CAMKK2: variants seen among roughly 807,000 people sequenced by gnomAD.
CAMKK2 encodes calcium/calmodulin dependent protein kinase kinase 2.
CAMKK2 carries 30 observed loss-of-function variants against 67.2 expected under a neutral mutation model. The observed-to-expected ratio is 0.45, with a 90% confidence interval of 0.33 to 0.61. CAMKK2 has a LOEUF of 0.61. Ranked by LOEUF, CAMKK2 falls within the 20% of genes least tolerant of loss-of-function variation. The pLI, the probability that CAMKK2 is intolerant of heterozygous loss-of-function variation, is 0.02. For synonymous variants in CAMKK2, 322 were observed against 326.2 expected, an observed-to-expected ratio of 0.99 and a Z score of 0.14; for missense variants, 643 against 802.0, an observed-to-expected ratio of 0.80 and a Z score of 2.39.
In CAMKK2 at chr12:121,285,228, C is replaced by T. The variant is rs745718454; in HGVS notation, c.-59-10643G>A. 4.6e-5 allele frequency among the ~76,000 whole-genome samples: 7 copies of T among 152,188 alleles called. No homozygotes were observed. Among genetic ancestry groups the T allele is most frequent in the Non-Finnish European group, 7.3e-5 (5 of 68,038 alleles). On this transcript the variant is annotated intron_variant, in intron 1 of 16. Transcript: ENST00000404169. This position sits in a 1 kb window ranked among gnomAD's most constrained non-coding sequence, Gnocchi z 4.1. ...ACTCAAGAATAGATATGAGGCCGGGCGCAGTGGTTCACGCCTGTAATCCCA... is the reference window on the plus strand; with the variant it reads ...ACTCAAGAATAGATATGAGGCCGGGTGCAGTGGTTCACGCCTGTAATCCCA...
intron 5 of CAMKK2, among the ~76,000 whole-genome samples, chr12:121,266,832 AT>A (rs1237394205): frequency 1.3e-5 from 2 of 151,750 alleles, no homozygotes; most frequent in Non-Finnish European, 2.9e-5. Flanking sequence ...CCAAGCTGAC[AT>A]TTTGCCCAGC....
At chr12:121,273,577 C>T (rs538274770) in intron 2 of CAMKK2, among the ~76,000 whole-genome samples, 2 of 152,040 alleles carry the variant, frequency 1.3e-5, no homozygotes, top group African/African-American at 2.4e-5. Flanking sequence ...CTCAGTGACC[C>T]GCCTCATTCC....
chr12:121,292,547 A>C (rs1363021389), intron 1 of CAMKK2, among the ~76,000 whole-genome samples: 1 of 152,210 alleles, frequency 6.6e-6, no homozygotes, highest in Non-Finnish European at 1.5e-5. Flanking sequence ...CTCAACTGTT[A>C]GGAAAGAGAC....
Position 121,269,502 on chromosome 12 carries a change from G to A in CAMKK2, c.573+26C>T, listed in dbSNP as rs749454930. The A allele has an allele frequency of 5.1e-6, 8 of 1,569,376 alleles. No homozygotes were observed. The Admixed American group carries it at 1.2e-4, about 24-fold the overall frequency. On this transcript the variant is annotated intron_variant, in intron 4 of 16. Coordinates refer to ENST00000404169, the MANE Select transcript of CAMKK2 (RefSeq NM_001270485.2). The stretch of plus-strand genomic sequence containing the variant: ...GGCTCTTCTGTGGATAAGGATGGGG[G>A]CAGGGAGGAGAATGCGGATACTCAC...
chr12:121,290,842 G>A (rs957641563), intron 1 of CAMKK2, among the ~76,000 whole-genome samples: 8 of 152,184 alleles, frequency 5.3e-5, no homozygotes, highest in Non-Finnish European at 7.4e-5. Flanking sequence ...TTTTTGACAC[G>A]GAGTCTCGCT....
chr12:121,255,751 G>T (rs201017471), intron 8 of CAMKK2, 32 bp downstream of exon 8: 1 of 1,613,186 alleles, frequency 6.2e-7, no homozygotes, highest in Admixed American at 1.7e-5. Context: ...GAAGCTTCTT[G>T]CATCACCCCT....
chr12:121,243,802 T>C (rs1206378188), intron 16 of CAMKK2: 1 of 1,066,532 alleles, frequency 9.4e-7, no homozygotes, highest in Non-Finnish European at 1.2e-6. Context: ...GTGAATTACA[T>C]GGTATGTGAA....
At chr12:121,287,436 G>A (rs910094998) in intron 1 of CAMKK2, among the ~76,000 whole-genome samples, 2 of 152,082 alleles carry the variant, frequency 1.3e-5, no homozygotes, top group African/African-American at 4.8e-5. Flanking sequence ...ACTCAGAGAA[G>A]TTGAGATGAC....
chr12:121,274,234 T>C lies in CAMKK2; in HGVS notation c.293A>G (p.Lys98Arg). Residue 98 changes from lysine (K) to arginine (R), a missense_variant, in exon 2 of 17, where the codon AAG (lysine) becomes AGG (arginine). Coordinates refer to ENST00000404169, the MANE Select transcript of CAMKK2 (RefSeq NM_001270485.2). ...SQARPHLSGR[K>R]LSLQERSQGG... ...CTGGGACCGCTCTTGCAGAGACAGCTTGCGACCGGAGAGGTGGGGCCGGGC... is the reference window on the plus strand; with the variant it reads ...CTGGGACCGCTCTTGCAGAGACAGCCTGCGACCGGAGAGGTGGGGCCGGGC... The C allele has an allele frequency of 1.2e-6, 2 of 1,609,714 alleles. No homozygotes were observed. The highest frequency in any genetic ancestry group is 1.7e-6 in the Non-Finnish European group (2 of 1,177,278).
intron 9 of CAMKK2, among the ~76,000 whole-genome samples, chr12:121,255,250 T>TTTTA (rs1252554930): frequency 1.0e-4 from 4 of 38,392 alleles, no homozygotes; most frequent in East Asian, 5.8e-4. Flanking sequence ...ATATATATAA[T>TTTTA]TATATATATA....
Position 121,264,454 on chromosome 12 carries a change from C to T in CAMKK2, c.626-515G>A, listed in dbSNP as rs138200084. 6.2e-3 allele frequency among the ~76,000 whole-genome samples: 943 copies of T among 151,946 alleles called. 12 individuals are homozygous for T. The highest frequency in any genetic ancestry group is 0.021 in the African/African-American group (890 of 41,446). ...GAGTTCAAGACCAGCCTGGGCAACA[C>T]GGCGAAACCCTGACTCTATAAAAAT... On this transcript the variant is annotated intron_variant, in intron 5 of 16. Coordinates refer to ENST00000404169, the MANE Select transcript of CAMKK2 (RefSeq NM_001270485.2).
intron 9 of CAMKK2, among the ~76,000 whole-genome samples, chr12:121,255,300 AAT>A (rs1891860187): frequency 2.2e-4 from 7 of 31,568 alleles, no homozygotes; most frequent in South Asian, 8.9e-4. Flanking sequence ...TTATATATAT[AAT>A]TTTATATATA....
chr12:121,291,316 G>C (rs949080458), intron 1 of CAMKK2, among the ~76,000 whole-genome samples: 3 of 152,216 alleles, frequency 2.0e-5, no homozygotes, highest in African/African-American at 4.8e-5. Context: ...AGGGGCTACA[G>C]AGACACGGGA....
intron 1 of CAMKK2, among the ~76,000 whole-genome samples, chr12:121,287,828 C>G (rs1899070504): frequency 6.6e-6 from 1 of 152,082 alleles, no homozygotes. Context: ...TTACATTAGC[C>G]AAGTGTGGTG....
At chr12:121,293,611 G>A (rs1292388355) in intron 1 of CAMKK2, among the ~76,000 whole-genome samples, 2 of 151,852 alleles carry the variant, frequency 1.3e-5, no homozygotes, top group Non-Finnish European at 2.9e-5. Flanking sequence ...CCCTGAGAGT[G>A]GTGTCTGGCC....
intron 6 of CAMKK2, among the ~76,000 whole-genome samples, chr12:121,261,865 C>T (rs569681706): frequency 3.3e-5 from 5 of 152,352 alleles, no homozygotes; most frequent in South Asian, 2.1e-4. Context: ...TGGCTGCCCC[C>T]GCTTTGTACT....
chr12:121,273,947 G>T, intron 2 of CAMKK2, 109 bp downstream of exon 2: 1 of 874,172 alleles, frequency 1.1e-6, no homozygotes, highest in Non-Finnish European at 1.7e-6. Flanking sequence ...TAGGTCAACC[G>T]TGGCACTCAG....
upstream of CAMKK2, chr12:121,297,328 C>T: frequency 3.2e-6 from 1 of 310,934 alleles, no homozygotes; most frequent in South Asian, 2.7e-5. Flanking sequence ...TTTGGGCCAC[C>T]ACCGACTCGG....
intron 10 of CAMKK2, 137 bp from the exon 11 acceptor site, chr12:121,252,851 G>A (rs1021799886): frequency 1.2e-6 from 1 of 807,254 alleles, no homozygotes. Context: ...CTAGGCTCTG[G>A]GGCAGGCACA....
Sources: gnomAD v4.1 joint callset for allele counts (sites outside exome capture counted in the v4.1 genomes callset) on GRCh38, gnomAD v4.1.1 for gene constraint, Gnocchi (gnomAD v3.1) non-coding constraint, MANE v1.5 for transcripts, NCBI Gene and HGNC (gene_info 2026-07-23, HGNC 2026-07-21) for gene names.